The following SPECC1 variants were observed in gnomAD, a reference collection of about 807,000 sequenced individuals.
SPECC1 encodes cytospin-B.
A neutral mutation model predicts 104.1 loss-of-function variants in SPECC1; 62 were observed. The ratio of observed to expected loss-of-function variants is 0.60; its 90% CI spans 0.49 to 0.74. SPECC1 has a LOEUF of 0.74. SPECC1 is among the 30% of genes least tolerant of loss of function. The pLI, the probability that SPECC1 is intolerant of heterozygous loss-of-function variation, is 0.00. For synonymous variants in SPECC1, 513 were observed against 501.6 expected (o/e 1.02, Z -0.30); for missense variants, 1,306 against 1,310.5 (o/e 1.00, Z 0.05).
At chr17:20,214,589 C>A (rs1011181386) in intron 4 of SPECC1, among the ~76,000 whole-genome samples, 6 of 152,174 alleles carry the variant, frequency 3.9e-5, no homozygotes, top group Non-Finnish European at 8.8e-5. Flanking sequence ...CGCACTGCAG[C>A]CTCCACCTCC....
chr17:20,251,218 C>A, intron 9 of SPECC1, among the ~76,000 whole-genome samples: 1 of 22,038 alleles, frequency 4.5e-5, no homozygotes, highest in African/African-American at 7.3e-4. Flanking sequence ...GAGTAAGACT[C>A]TATCTCAAAA....
At chr17:20,199,838 G>A (rs2151321957) in intron 3 of SPECC1, among the ~76,000 whole-genome samples, 1 of 152,220 alleles carries the variant, frequency 6.6e-6, no homozygotes, top group East Asian at 1.9e-4. Context: ...TGCCCAGGCT[G>A]GCGTGCAGTG....
At chr17:20,223,374 T>TA (rs1392172530) in intron 4 of SPECC1, among the ~76,000 whole-genome samples, 1 of 152,152 alleles carries the variant, frequency 6.6e-6, no homozygotes, top group Non-Finnish European at 1.5e-5. Context: ...GCTTTATTTT[T>TA]AAAAAATTAT....
chr17:20,130,373 A>G (rs1375661961), intron 3 of SPECC1, among the ~76,000 whole-genome samples: 2 of 152,180 alleles, frequency 1.3e-5, no homozygotes, highest in Non-Finnish European at 2.9e-5. Context: ...CGTCTCTACA[A>G]GAAATAAAAA....
intron 3 of SPECC1, among the ~76,000 whole-genome samples, chr17:20,172,527 T>G (rs2034167327): frequency 6.6e-6 from 1 of 152,178 alleles, no homozygotes; most frequent in Admixed American, 6.5e-5. Flanking sequence ...ACCCCAGGGC[T>G]TGGTTGGGCT....
At chr17:20,192,082 G>A (rs2035710212) in intron 3 of SPECC1, among the ~76,000 whole-genome samples, 2 of 152,000 alleles carry the variant, frequency 1.3e-5, no homozygotes, top group Admixed American at 1.3e-4. Context: ...GACTACAAGT[G>A]TAAGCCACCA....
At chr17:20,109,208 C>T (rs555621892) in intron 2 of SPECC1, among the ~76,000 whole-genome samples, 1 of 152,270 alleles carries the variant, frequency 6.6e-6, no homozygotes, top group South Asian at 2.1e-4. Context: ...AGTAAATGAC[C>T]CCAAAGCCAG....
At position 20,236,879 on chromosome 17, in the gene SPECC1, T is replaced by C. The variant is rs755316211; in HGVS notation, c.2351+4474T>C. ...TCACAGCTCCCTGGGCTCTGTCAGC[T>C]AGCAGAGCATTTGGTGGAAGAAAGA... On this transcript the variant is annotated intron_variant, in intron 7 of 14. Transcript: ENST00000395527. The C allele has an allele frequency of 4.3e-6, 7 of 1,613,870 alleles. No homozygotes were observed. The Admixed American group carries it at 5.0e-5, about 12-fold the overall frequency.
chr17:20,173,758 C>A (rs2034262547), intron 3 of SPECC1, among the ~76,000 whole-genome samples: 1 of 152,200 alleles, frequency 6.6e-6, no homozygotes, highest in Non-Finnish European at 1.5e-5. Flanking sequence ...CCACAGGACA[C>A]AAATTGGCAA....
intron 3 of SPECC1, chr17:20,156,086 G>C: frequency 7.5e-7 from 1 of 1,338,578 alleles, no homozygotes; most frequent in Non-Finnish European, 9.6e-7. Flanking sequence ...TCTTTGACTG[G>C]AGCGGACCCG....
At chr17:20,272,808 T>G (rs994267119) in intron 12 of SPECC1, among the ~76,000 whole-genome samples, 1 of 152,246 alleles carries the variant, frequency 6.6e-6, no homozygotes, top group Non-Finnish European at 1.5e-5. Context: ...TGAAATTTTT[T>G]ATAGCATCCT....
chr17:20,026,131 A>G (rs2044590548), intron 1 of SPECC1, among the ~76,000 whole-genome samples: 1 of 151,352 alleles, frequency 6.6e-6, no homozygotes, highest in African/African-American at 2.4e-5. Flanking sequence ...TCAGATATAT[A>G]TAATTTGCAG....
intron 3 of SPECC1, among the ~76,000 whole-genome samples, chr17:20,186,903 C>G (rs1051083751): frequency 1.3e-5 from 2 of 152,104 alleles, no homozygotes; most frequent in African/African-American, 2.4e-5. Flanking sequence ...TGCCTGATGT[C>G]CCCTGCTGGG....
At chr17:20,271,496 T>A (rs2040404994) in intron 12 of SPECC1, among the ~76,000 whole-genome samples, 1 of 152,188 alleles carries the variant, frequency 6.6e-6, no homozygotes, top group African/African-American at 2.4e-5. Context: ...GTTACTTGCC[T>A]TACACTTAAA....
chr17:20,298,947 G>GAGAGAGAGAGAGAGAGAA (rs2041453331), intron 13 of SPECC1, among the ~76,000 whole-genome samples: 1 of 77,840 alleles, frequency 1.3e-5, no homozygotes, highest in Non-Finnish European at 2.2e-5. Context: ...GAGAGAGAGA[G>GAGAGAGAGAGAGAGAGAA]AGTGTGTGTG....
intron 12 of SPECC1, among the ~76,000 whole-genome samples, chr17:20,273,033 C>G (rs1481093285): frequency 6.6e-6 from 1 of 152,172 alleles, no homozygotes; most frequent in Admixed American, 6.5e-5. Context: ...ATGAGGCCTG[C>G]GACTATGTTC....
chr17:20,142,917 T>C (rs1177474879), intron 3 of SPECC1, among the ~76,000 whole-genome samples: 1 of 151,644 alleles, frequency 6.6e-6, no homozygotes, highest in Non-Finnish European at 1.5e-5. Context: ...GGAGAATCAC[T>C]TGAACCTGGG....
chr17:20,134,061 T>A (rs2049797685), intron 3 of SPECC1, among the ~76,000 whole-genome samples: 1 of 151,056 alleles, frequency 6.6e-6, no homozygotes, highest in Non-Finnish European at 1.5e-5. Context: ...ATATAATGTT[T>A]ATATATGTTT....
At chr17:20,295,310 G>A (rs181286479) in intron 12 of SPECC1, among the ~76,000 whole-genome samples, 1 of 151,606 alleles carries the variant, frequency 6.6e-6, no homozygotes, top group Admixed American at 6.6e-5. Context: ...TCAGTATGAT[G>A]GTTTCCAGCT....
Sources: gnomAD v4.1 joint callset for allele counts (sites outside exome capture counted in the v4.1 genomes callset) on GRCh38, gnomAD v4.1.1 for gene constraint, MANE v1.5 for transcripts, NCBI Gene and HGNC (gene_info 2026-07-23, HGNC 2026-07-21) for gene names.